Variants in PCDHA1 observed in about 807,000 individuals in gnomAD.
PCDHA1 encodes the protein protocadherin alpha 1.
In PCDHA1, 42 loss-of-function variants were observed where a neutral mutation model predicts 61.3. That is an observed-to-expected ratio of 0.69 (90% CI 0.54 to 0.89). The LOEUF is 0.89. Among genes scored for constraint, PCDHA1 ranks in the 40% least tolerant of loss-of-function variants. The probability of loss-of-function intolerance (pLI) is 0.00; values close to 1 mark genes in which losing one functional copy is unlikely to be tolerated. For missense variants in PCDHA1, 1,256 were observed against 1,235.3 expected, an observed-to-expected ratio of 1.02 and a Z score of -0.25; for synonymous variants, 610 against 553.8, an observed-to-expected ratio of 1.10 and a Z score of -1.43.
At chr5:140,877,511 C>G in intron 1 of PCDHA1, 1 of 1,613,808 alleles carries the variant, frequency 6.2e-7, no homozygotes, top group South Asian at 1.1e-5. Context: ...AAGACGTCGT[C>G]GCGGGCCTCA....
chr5:140,829,457 G>C, intron 1 of PCDHA1: 4 of 1,613,878 alleles, frequency 2.5e-6, no homozygotes, highest in Non-Finnish European at 3.4e-6. Context: ...TCCGGCGTTC[G>C]CGCAGCCCGA....
At chr5:140,976,718 C>A (rs2096728735) in intron 1 of PCDHA1, among the ~76,000 whole-genome samples, 1 of 152,096 alleles carries the variant, frequency 6.6e-6, no homozygotes, top group South Asian at 2.1e-4. Context: ...CATTATAGTT[C>A]ATTTATTTAA....
intron 1 of PCDHA1, chr5:140,876,094 C>A (rs782479233): frequency 3.1e-6 from 5 of 1,613,926 alleles, no homozygotes; most frequent in Non-Finnish European, 4.2e-6. Flanking sequence ...AACGCCAAAA[C>A]TCAATTTATT....
At chr5:140,911,338 A>G (rs1562979911) in intron 1 of PCDHA1, among the ~76,000 whole-genome samples, 1 of 152,040 alleles carries the variant, frequency 6.6e-6, no homozygotes, top group African/African-American at 2.4e-5. Context: ...TTTTCCAATC[A>G]ATGCCCTCAT....
intron 1 of PCDHA1, chr5:140,871,029 G>A (rs782042665): frequency 1.9e-6 from 3 of 1,613,228 alleles, no homozygotes; most frequent in Non-Finnish European, 2.5e-6. Flanking sequence ...CAGACTCGCC[G>A]CGCCACCGAC....
intron 1 of PCDHA1, chr5:140,809,155 G>A (rs567757480): frequency 3.1e-6 from 5 of 1,613,980 alleles, no homozygotes; most frequent in Non-Finnish European, 4.2e-6. Flanking sequence ...ACCACGGCGA[G>A]CCCGCGCTGA....
At chr5:140,801,525 G>A (rs782003148) in intron 1 of PCDHA1, 4 of 1,614,230 alleles carry the variant, frequency 2.5e-6, no homozygotes, top group East Asian at 4.5e-5. Flanking sequence ...GGAGGTGATC[G>A]TGGACAGGCC....
chr5:140,851,850 C>T (rs2042178583), intron 1 of PCDHA1: 1 of 971,904 alleles, frequency 1.0e-6, no homozygotes, highest in South Asian at 4.8e-5. Context: ...TTTTTCTCCT[C>T]TCAGCTCATA....
intron 1 of PCDHA1, among the ~76,000 whole-genome samples, chr5:140,839,453 A>G (rs113969469): frequency 3.3e-5 from 5 of 152,018 alleles, no homozygotes; most frequent in African/African-American, 1.2e-4. Context: ...GCAGTGGCAC[A>G]ATCTGGGCTT....
chr5:140,962,806 A>G (rs2095710017), intron 1 of PCDHA1, among the ~76,000 whole-genome samples: 1 of 152,204 alleles, frequency 6.6e-6, no homozygotes, highest in Admixed American at 6.5e-5. Context: ...ACAACTCTAA[A>G]CATCAGAGAT....
At position 140,967,525 on chromosome 5, in the gene PCDHA1, C is replaced by T. The variant is rs368677084; in HGVS notation, c.2395-11424C>T. The stretch of plus-strand genomic sequence containing the variant: ...TGCGTGTCCTGGACACTAACGACAA[C>T]TCTCCTGCCTTTGACCAGTCCACTT... On this transcript the variant is annotated intron_variant, in intron 1 of 3. Coordinates refer to ENST00000504120, the MANE Select transcript of PCDHA1 (RefSeq NM_018900.4). 3.7e-5 allele frequency: 59 copies of T among 1,613,048 alleles called. No individual in the cohort carries two copies. The African/African-American group carries it at 7.3e-4, about 20-fold the overall frequency.
In PCDHA1 at chr5:140,858,521, A is replaced by G. The variant is rs782589492; in HGVS notation, c.2394+69837A>G. On this transcript the variant is annotated intron_variant, in intron 1 of 3. Transcript: ENST00000504120. Reference sequence around the variant, plus strand: ...CATTTTCTCAAATATGTATCAGAATATTTCATTTTTGTCTACATTCCATTT... The same window carrying G: ...CATTTTCTCAAATATGTATCAGAATGTTTCATTTTTGTCTACATTCCATTT... 1.4e-6 allele frequency: 2 copies of G among 1,420,880 alleles called. 1 individual carries two copies. Among genetic ancestry groups the G allele is most frequent in the Non-Finnish European group, 1.9e-6 (2 of 1,028,816 alleles). 88.0% of individuals were successfully genotyped at this position (1,420,880 alleles called of 1,614,324 possible).
chr5:140,792,433 C>T (rs1472792608), intron 1 of PCDHA1, among the ~76,000 whole-genome samples: 1 of 152,038 alleles, frequency 6.6e-6, no homozygotes, highest in African/African-American at 2.4e-5. Flanking sequence ...ATCTTTGACC[C>T]AAAACAGGTA....
chr5:140,935,852 CTT>C (rs1267620281), intron 1 of PCDHA1, among the ~76,000 whole-genome samples: 2 of 149,326 alleles, frequency 1.3e-5, no homozygotes, highest in African/African-American at 4.9e-5. Context: ...TTAATGGTGT[CTT>C]TTGATTAGCA....
intron 1 of PCDHA1, chr5:140,795,561 G>T (rs1554119494): frequency 6.2e-7 from 1 of 1,614,018 alleles, no homozygotes; most frequent in African/African-American, 1.3e-5. Flanking sequence ...TGGGGAAATC[G>T]CTGGACAGAG....
chr5:140,810,870 C>T (rs900073514), intron 1 of PCDHA1: 3 of 152,002 alleles, frequency 2.0e-5, no homozygotes, highest in East Asian at 1.9e-4. Context: ...TCAATTTTTG[C>T]TTCTGATCCT....
intron 1 of PCDHA1, chr5:140,858,279 G>A: frequency 2.5e-6 from 4 of 1,597,396 alleles, no homozygotes; most frequent in South Asian, 1.1e-5. Flanking sequence ...AGCGCGGTGG[G>A]GAGCTGGTCT....
rs1483756278 is a variant in PCDHA1, at chr5:140,982,223, T to TA, written c.2454-246dup. On this transcript the variant is annotated intron_variant, in intron 2 of 3. Transcript: ENST00000504120. Reference sequence around the variant, plus strand: ...TTTAGTGAGCGCCACATGGCGTTAATAAAAAACAGAATTGCCATAAAGATA... The same window carrying TA: ...TTTAGTGAGCGCCACATGGCGTTAATAAAAAAACAGAATTGCCATAAAGATA... 8.6e-6 allele frequency: 5 copies of TA among 580,096 alleles called. No homozygotes were observed. In the East Asian group the frequency reaches 1.2e-4, roughly 14 times the overall value. The allele number at this position is 580,096 out of a possible 1,614,324, so 35.9% of individuals were successfully genotyped here. A position where few individuals can be genotyped will look rare whatever the true frequency, so the allele number is the denominator to read the frequency against.
intron 1 of PCDHA1, chr5:140,807,687 T>G (rs782423945): frequency 5.6e-6 from 9 of 1,614,228 alleles, no homozygotes; most frequent in Admixed American, 1.7e-5. Context: ...GAGAACGCCC[T>G]GCTCACTTAC....
Sources: allele counts gnomAD v4.1 joint callset (sites outside exome capture counted in the v4.1 genomes callset), GRCh38; gene constraint gnomAD v4.1.1; transcripts MANE v1.5; gene names NCBI Gene and HGNC (gene_info 2026-07-23, HGNC 2026-07-21).